PRICKLE2: variants seen among roughly 807,000 people sequenced by gnomAD.
PRICKLE2 encodes the protein prickle planar cell polarity protein 2, also known as prickle-like protein 2.
PRICKLE2 carries 21 observed loss-of-function variants against 81.4 expected under a neutral mutation model. The observed-to-expected ratio is 0.26, with a 90% CI of 0.18 to 0.37. PRICKLE2 has a LOEUF of 0.37. Ranked by LOEUF, PRICKLE2 falls within the 10% of genes least tolerant of loss-of-function variation. The pLI, the probability that PRICKLE2 is intolerant of heterozygous loss-of-function variation, is 1.00. For synonymous variants in PRICKLE2, 456 were observed against 421.5 expected (o/e 1.08, Z -1.00); for missense variants, 940 against 1,109.0 (o/e 0.85, Z 2.16).
chr3:64,159,853 G>C, intron 4 of PRICKLE2, 87 bp downstream of exon 4: 1 of 1,525,226 alleles, frequency 6.6e-7, no homozygotes, highest in East Asian at 2.2e-5. Flanking sequence ...GCACATAGTA[G>C]GCACTCAGTA....
At chr3:64,181,744 T>A (rs538058403) in intron 2 of PRICKLE2, among the ~76,000 whole-genome samples, 4 of 152,286 alleles carry the variant, frequency 2.6e-5, no homozygotes, top group Admixed American at 1.3e-4. Flanking sequence ...CATAAAATGA[T>A]CTTAAAATTC....
chr3:64,253,934 C>T (rs568221765), intron 2 of PRICKLE2, among the ~76,000 whole-genome samples: 82 of 152,274 alleles, frequency 5.4e-4, no homozygotes, highest in Admixed American at 3.1e-3. Flanking sequence ...TGTGCACTGT[C>T]GCACTCTCTG....
intron 4 of PRICKLE2, among the ~76,000 whole-genome samples, chr3:64,158,883 C>T (rs1437473812): frequency 6.6e-6 from 1 of 152,154 alleles, no homozygotes; most frequent in Non-Finnish European, 1.5e-5. Flanking sequence ...CATCTGCTTC[C>T]CTTGGGCAGC....
chr3:64,228,582 A>G (rs943999195), upstream of PRICKLE2, among the ~76,000 whole-genome samples: 3 of 152,040 alleles, frequency 2.0e-5, no homozygotes, highest in Non-Finnish European at 2.9e-5. Context: ...AAAAAGTGAG[A>G]AAAAACTACT....
upstream of PRICKLE2, among the ~76,000 whole-genome samples, chr3:64,228,345 C>A (rs2079057210): frequency 6.6e-6 from 1 of 152,088 alleles, no homozygotes; most frequent in South Asian, 2.1e-4. Flanking sequence ...TAATTGCATT[C>A]AAGAGAGGGA....
intron 2 of PRICKLE2, among the ~76,000 whole-genome samples, chr3:64,259,447 G>C (rs140200343): frequency 1.2e-4 from 18 of 152,302 alleles, no homozygotes; most frequent in African/African-American, 3.6e-4. Context: ...TCCTGGGACC[G>C]AGGAGCTCGT....
At chr3:64,206,611 C>T (rs1215469518) in intron 1 of PRICKLE2, among the ~76,000 whole-genome samples, 1 of 152,200 alleles carries the variant, frequency 6.6e-6, no homozygotes, top group Non-Finnish European at 1.5e-5. Context: ...GTGGGCTCCT[C>T]TGTCCCAAGT....
intron 2 of PRICKLE2, among the ~76,000 whole-genome samples, chr3:64,265,766 T>C (rs919315352): frequency 1.3e-5 from 2 of 152,198 alleles, no homozygotes; most frequent in African/African-American, 4.8e-5. Context: ...TTCAAACCTT[T>C]GCACCTCTCA....
Position 64,099,536 on chromosome 3 carries a change from G to T in PRICKLE2, c.2050C>A (p.Pro684Thr). 6.2e-7 allele frequency: 1 copy of T among 1,609,676 alleles called. No individual in the cohort carries two copies. Among genetic ancestry groups the T allele is most frequent in the Non-Finnish European group, 8.5e-7 (1 of 1,176,288 alleles). The change falls in exon 8 of 8, where the codon CCT (proline) becomes ACT (threonine). Residue 684 changes from proline (P) to threonine (T), a missense_variant. Pro to Thr is a conservative substitution (Grantham distance 38, BLOSUM62 -1). This residue lies in a region of PRICKLE2 where 670 missense variants were observed against 717.2 expected (regional missense o/e 0.93). Transcript: ENST00000638394. This position sits in a 1 kb window ranked among gnomAD's most constrained non-coding sequence, Gnocchi z 4.3. ...TSRDDNRRFR[P>T]HRSRRSRRSR... ...CGTCGGGAACGCCTGGACCTGTGAG[G>T]TCGGAAACGGCGGTTGTCGTCGCGT...
chr3:64,101,004 T>A (rs1276720376), intron 7 of PRICKLE2: 1 of 152,230 alleles, frequency 6.6e-6, no homozygotes. Flanking sequence ...TCCTCTTCCG[T>A]GACAAAACCT....
chr3:64,139,928 C>T (rs2077334423), intron 7 of PRICKLE2, among the ~76,000 whole-genome samples: 1 of 152,212 alleles, frequency 6.6e-6, no homozygotes, highest in Admixed American at 6.5e-5. Context: ...CCTAGCCTCA[C>T]ACTTACTTAT....
At chr3:64,183,009 A>G (rs2107083717) in intron 2 of PRICKLE2, among the ~76,000 whole-genome samples, 1 of 152,340 alleles carries the variant, frequency 6.6e-6, no homozygotes, top group South Asian at 2.1e-4. Flanking sequence ...ATACCCATCA[A>G]TTAAAAGATG....
chr3:64,222,859 AC>A (rs1205385662), intron 1 of PRICKLE2, among the ~76,000 whole-genome samples: 1 of 152,160 alleles, frequency 6.6e-6, no homozygotes, highest in Non-Finnish European at 1.5e-5. Context: ...TCCAACTGGG[AC>A]CCCGCAGCTT....
chr3:64,166,016 T>TG, intron 2 of PRICKLE2, among the ~76,000 whole-genome samples: 1 of 130,370 alleles, frequency 7.7e-6, no homozygotes, highest in African/African-American at 3.0e-5. Flanking sequence ...GTGTGTGTGT[T>TG]TTGTTTTGTT....
Position 64,198,924 on chromosome 3 carries a change from C to A in PRICKLE2, c.4G>T (p.Val2Leu). M[V>L]TVMPLEMEKT... ...TCCATCTCCAGCGGCATCACTGTCA[C>A]CATGTGCTCCTCCTGGGGACACTTG... Residue 2 changes from valine to leucine, a missense_variant, in exon 2 of 8, where the codon GTG becomes TTG. Val to Leu is a conservative substitution (Grantham distance 32). Around this residue, in one of 2 missense-constraint regions of PRICKLE2, gnomAD observed 270 missense variants for 391.8 expected, o/e 0.69. Transcript: ENST00000638394. 6.2e-7 allele frequency: 1 copy of A among 1,614,184 alleles called. No homozygotes were observed. The highest frequency in any genetic ancestry group is 8.5e-7 in the Non-Finnish European group (1 of 1,180,048).
intron 7 of PRICKLE2, among the ~76,000 whole-genome samples, chr3:64,104,312 A>G (rs923170854): frequency 2.6e-5 from 4 of 152,250 alleles, no homozygotes; most frequent in Non-Finnish European, 4.4e-5. Flanking sequence ...GATGAACTCT[A>G]GTAAGAAAGG....
chr3:64,234,510 G>T (rs745463995), intron 2 of PRICKLE2, among the ~76,000 whole-genome samples: 2 of 152,094 alleles, frequency 1.3e-5, no homozygotes, highest in Non-Finnish European at 2.9e-5. Context: ...TTGGGCACAC[G>T]TGTTAAAATT....
chr3:64,161,326 T>C (rs115777249), intron 3 of PRICKLE2, among the ~76,000 whole-genome samples: 2,769 of 152,324 alleles, frequency 0.018, 89 homozygotes, highest in African/African-American at 0.063. Flanking sequence ...CGTCTCCTGT[T>C]ATACTTTGGA....
At chr3:64,104,255 G>C (rs1401744777) in intron 7 of PRICKLE2, among the ~76,000 whole-genome samples, 1 of 152,198 alleles carries the variant, frequency 6.6e-6, no homozygotes, top group East Asian at 1.9e-4. Context: ...TATGAAAGCA[G>C]AGAGGAGAGG....
Sources: allele counts gnomAD v4.1 joint callset (sites outside exome capture counted in the v4.1 genomes callset), GRCh38; gene constraint gnomAD v4.1.1; regional missense constraint gnomAD v4.1.1; non-coding constraint Gnocchi (gnomAD v3.1); transcripts MANE v1.5; gene names NCBI Gene and HGNC (gene_info 2026-07-23, HGNC 2026-07-21).